PREP: variants seen among roughly 807,000 people sequenced by gnomAD.
The protein encoded by PREP is dJ355L5.1 (prolyl endopeptidase).
PREP carries 29 observed loss-of-function variants against 87.6 expected under a neutral mutation model. The ratio of observed to expected loss-of-function variants is 0.33; its 90% CI spans 0.25 to 0.45. PREP has a LOEUF of 0.45. Among genes scored for constraint, PREP ranks in the 20% least tolerant of loss-of-function variants. The probability of loss-of-function intolerance (pLI) is 1.00; values close to 1 mark genes in which losing one functional copy is unlikely to be tolerated. For synonymous variants in PREP, 337 were observed against 328.6 expected (o/e 1.03, Z -0.28); for missense variants, 695 against 886.5 (o/e 0.78, Z 2.74).
chr6:105,377,378 A>G lies in PREP; in HGVS notation c.254+8T>C. On this transcript the variant is annotated splice_region_variant and intron_variant, in intron 3 of 14. Coordinates refer to ENST00000652536, the MANE Select transcript of PREP (RefSeq NM_002726.5). ...AATAAAAAGGAAATTCAGTAAAAGC[A>G]GTCTCACCGTTTTCCTTTCTTGAAG... is the stretch of plus-strand genomic sequence containing the variant. 1 of 1,589,380 alleles carries G rather than the reference A, an allele frequency of 6.3e-7. No homozygotes were observed. The highest frequency in any genetic ancestry group is 1.2e-5 in the South Asian group (1 of 86,050).
intron 12 of PREP, 45 bp downstream of exon 12, chr6:105,285,440 GC>G (rs1770171598): frequency 6.4e-7 from 1 of 1,555,034 alleles, no homozygotes; most frequent in Admixed American, 1.7e-5. Flanking sequence ...CACAACCTTA[GC>G]TTTGATTATG....
intron 2 of PREP, among the ~76,000 whole-genome samples, chr6:105,396,312 G>A (rs1197089539): frequency 6.6e-6 from 1 of 152,224 alleles, no homozygotes; most frequent in East Asian, 1.9e-4. Flanking sequence ...AAAAGAAGTT[G>A]TAAGAGCTTT....
chr6:105,352,293 A>G (rs1205600098), intron 7 of PREP, among the ~76,000 whole-genome samples: 6 of 152,156 alleles, frequency 3.9e-5, no homozygotes, highest in Non-Finnish European at 1.5e-5. Flanking sequence ...GCTTGATGAT[A>G]GTGCTGGTAT....
At chr6:105,392,724 G>GT (rs1184715883) in intron 2 of PREP, among the ~76,000 whole-genome samples, 1 of 152,208 alleles carries the variant, frequency 6.6e-6, no homozygotes, top group African/African-American at 2.4e-5. Context: ...TTACAGGCAT[G>GT]TGCCGCCATG....
At chr6:105,373,305 T>A (rs1378710465) in intron 5 of PREP, 64 bp downstream of exon 5, 1 of 1,521,476 alleles carries the variant, frequency 6.6e-7, no homozygotes, top group Non-Finnish European at 9.1e-7. Context: ...AGCATCTCTT[T>A]TCAGTCACTT....
intron 10 of PREP, among the ~76,000 whole-genome samples, chr6:105,312,762 T>C (rs930682404): frequency 2.0e-5 from 3 of 152,148 alleles, no homozygotes; most frequent in African/African-American, 4.8e-5. Flanking sequence ...GGATGAATAT[T>C]GAAAGATGTG....
At chr6:105,306,224 C>T in intron 10 of PREP, among the ~76,000 whole-genome samples, 1 of 152,066 alleles carries the variant, frequency 6.6e-6, no homozygotes, top group Non-Finnish European at 1.5e-5. Context: ...CACGAAAGAT[C>T]TAGAAAAGAA....
chr6:105,335,534 G>A (rs928472535), intron 7 of PREP, among the ~76,000 whole-genome samples: 3 of 152,146 alleles, frequency 2.0e-5, no homozygotes, highest in Non-Finnish European at 2.9e-5. Flanking sequence ...GGGTGACCTT[G>A]AGCAATCTCT....
chr6:105,322,310 A>C (rs1771032035), intron 10 of PREP: 2 of 920,110 alleles, frequency 2.2e-6, no homozygotes, highest in South Asian at 5.1e-5. Flanking sequence ...TGAAAAAAAT[A>C]GATTATATTC....
chr6:105,379,792 T>C (rs182947623), intron 2 of PREP, among the ~76,000 whole-genome samples: 1 of 152,144 alleles, frequency 6.6e-6, no homozygotes, highest in East Asian at 1.9e-4. Context: ...AAGTGACAAG[T>C]CCAAGCTAAA....
chr6:105,327,742 G>T (rs1484519718), intron 9 of PREP, among the ~76,000 whole-genome samples: 1 of 152,184 alleles, frequency 6.6e-6, no homozygotes, highest in African/African-American at 2.4e-5. Context: ...CACTTTGGAG[G>T]AGTTCAACAT....
Position 105,276,630 on chromosome 6 carries a change from CTT to C in PREP, c.*1512_*1513del, listed in dbSNP as rs1444689408. Among the ~76,000 whole-genome samples, 3 of 152,224 alleles carry C rather than the reference CTT, an allele frequency of 2.0e-5. No homozygotes were observed. The highest frequency in any genetic ancestry group is 6.5e-5 in the Admixed American group (1 of 15,284). ...GCATGCAACACTAGCTACTGGCACA[CTT>C]TGTTTCCAGAGGAGTTATGGTGAAT... is the stretch of plus-strand genomic sequence containing the variant. On this transcript the variant is annotated 3_prime_UTR_variant, in exon 15 of 15. Coordinates refer to ENST00000652536, the MANE Select transcript of PREP (RefSeq NM_002726.5).
At chr6:105,283,411 A>C (rs1770123243) in intron 12 of PREP, among the ~76,000 whole-genome samples, 1 of 152,226 alleles carries the variant, frequency 6.6e-6, no homozygotes, top group South Asian at 2.1e-4. Flanking sequence ...CGGCCTTTGA[A>C]ATGAACAAAG....
chr6:105,346,963 G>A (rs1190468961), intron 7 of PREP, among the ~76,000 whole-genome samples: 1 of 152,108 alleles, frequency 6.6e-6, no homozygotes, highest in Non-Finnish European at 1.5e-5. Context: ...AGCTGGGTGT[G>A]GTGGCAGGCA....
chr6:105,353,226 T>C (rs536681195), intron 6 of PREP, 149 bp from the exon 7 acceptor site: 1 of 551,632 alleles, frequency 1.8e-6, no homozygotes, highest in East Asian at 2.8e-5. Context: ...GTTATCTGAA[T>C]AAAAAGATGA....
At chr6:105,360,711 C>T (rs183217390) in intron 6 of PREP, among the ~76,000 whole-genome samples, 2 of 152,280 alleles carry the variant, frequency 1.3e-5, no homozygotes, top group East Asian at 3.9e-4. Context: ...TTAGCATATT[C>T]AGGAAAATAA....
intron 7 of PREP, among the ~76,000 whole-genome samples, chr6:105,349,328 G>C (rs1459006119): frequency 6.6e-6 from 1 of 152,190 alleles, no homozygotes; most frequent in East Asian, 1.9e-4. Flanking sequence ...CAAAAGAACA[G>C]AAGTCCACAC....
chr6:105,380,758 C>G (rs1416370527), intron 2 of PREP, among the ~76,000 whole-genome samples: 1 of 152,158 alleles, frequency 6.6e-6, no homozygotes, highest in Admixed American at 6.5e-5. Flanking sequence ...GGCTCCTGCA[C>G]TTCCACGGAG....
intron 5 of PREP, among the ~76,000 whole-genome samples, chr6:105,372,372 A>G (rs1323274006): frequency 1.3e-5 from 2 of 152,140 alleles, no homozygotes; most frequent in East Asian, 3.8e-4. Context: ...CCAAGCTCCT[A>G]ATCTCTAACA....
Sources: allele counts gnomAD v4.1 joint callset (sites outside exome capture counted in the v4.1 genomes callset), GRCh38; gene constraint gnomAD v4.1.1; transcripts MANE v1.5; gene names NCBI Gene and HGNC (gene_info 2026-07-23, HGNC 2026-07-21).